Variants in GPC4 observed in about 807,000 individuals in gnomAD.
GPC4 encodes the protein glypican-4.
A neutral mutation model predicts 35.0 loss-of-function variants in GPC4; 10 were observed. The observed-to-expected ratio is 0.29, with a 90% CI of 0.18 to 0.48. The LOEUF (loss-of-function observed/expected upper bound fraction) is 0.48. GPC4 is among the 20% of genes least tolerant of loss of function. The pLI, the probability that GPC4 is intolerant of heterozygous loss-of-function variation, is 0.99. For missense variants in GPC4, 322 were observed against 451.3 expected (o/e 0.71, Z 2.60); for synonymous variants, 167 against 170.2 (o/e 0.98, Z 0.15).
At chrX:133,404,690 A>G (rs778095520) in intron 1 of GPC4, among the ~76,000 whole-genome samples, 2 of 109,675 alleles carry the variant, frequency 1.8e-5, no homozygotes, top group Admixed American at 1.9e-4. Flanking sequence ...GCCCATCTCT[A>G]CTAAAAATAT....
intron 1 of GPC4, among the ~76,000 whole-genome samples, chrX:133,396,751 A>G (rs2068745151): frequency 8.9e-6 from 1 of 112,013 alleles, no homozygotes; most frequent in Admixed American, 9.6e-5. Flanking sequence ...TTAAAGAAAC[A>G]CGAACTTATC....
intron 3 of GPC4, among the ~76,000 whole-genome samples, chrX:133,318,239 T>C (rs1181509849): frequency 1.8e-5 from 2 of 112,378 alleles, no homozygotes; most frequent in Non-Finnish European, 3.8e-5. Flanking sequence ...AATATGTGTC[T>C]ACACTTTGCT....
At chrX:133,315,543 T>C (rs1186806642) in intron 3 of GPC4, among the ~76,000 whole-genome samples, 3 of 111,448 alleles carry the variant, frequency 2.7e-5, no homozygotes, top group Admixed American at 9.5e-5. Flanking sequence ...CATTCAACAT[T>C]CTACTCCCTG....
At chrX:133,401,648 C>T (rs1442118013) in intron 1 of GPC4, among the ~76,000 whole-genome samples, 1 of 112,130 alleles carries the variant, frequency 8.9e-6, no homozygotes, top group Admixed American at 9.5e-5. Flanking sequence ...GACTGCCTCA[C>T]TGCTTAATAA....
intron 3 of GPC4, among the ~76,000 whole-genome samples, chrX:133,316,949 G>A (rs964066093): frequency 5.4e-5 from 6 of 111,975 alleles, no homozygotes; most frequent in African/African-American, 1.3e-4. Context: ...AAAACGGTAC[G>A]TAATGTGCAT....
intron 1 of GPC4, among the ~76,000 whole-genome samples, chrX:133,356,746 T>A (rs2068543230): frequency 9.0e-6 from 1 of 111,491 alleles, no homozygotes; most frequent in South Asian, 3.8e-4. Context: ...TCTTTATAAA[T>A]TACCCAGCCT....
At position 133,415,224 on chromosome X, in the gene GPC4, G is replaced by C. The variant is rs1234019453; in HGVS notation, c.-259C>G. ...GGCGTGGAGGCGGCGCGCGGCCCAG[G>C]GAAGCAGAGGCGCGGGCTGGTGACC... On this transcript the variant is annotated 5_prime_UTR_variant, in exon 1 of 9. Coordinates refer to ENST00000370828, the MANE Select transcript of GPC4 (RefSeq NM_001448.3). 3.0e-6 allele frequency: 1 copy of C among 333,799 alleles called. No individual in the cohort carries two copies. The highest frequency in any genetic ancestry group is 2.7e-5 in the African/African-American group (1 of 36,575). 27.5% of individuals were successfully genotyped at this position (333,799 alleles called of 1,213,427 possible). A position where few individuals can be genotyped will look rare whatever the true frequency, so the allele number is the denominator to read the frequency against.
chrX:133,407,089 TAC>T (rs35930080), intron 1 of GPC4, among the ~76,000 whole-genome samples: 6 of 97,243 alleles, frequency 6.2e-5, no homozygotes, highest in East Asian at 3.3e-4. Flanking sequence ...AAAAAAAAAA[TAC>T]ACACACACAC....
At chrX:133,379,798 G>A (rs1040933992) in intron 1 of GPC4, among the ~76,000 whole-genome samples, 3 of 111,373 alleles carry the variant, frequency 2.7e-5, no homozygotes, top group African/African-American at 9.8e-5. Flanking sequence ...CAATTGGTCA[G>A]CCAAGAATAA....
chrX:133,380,094 T>C (rs2068654047), intron 1 of GPC4, among the ~76,000 whole-genome samples: 1 of 110,607 alleles, frequency 9.0e-6, no homozygotes, highest in African/African-American at 3.3e-5. Flanking sequence ...CCCAGCACTT[T>C]GGGAGGCCAA....
chrX:133,327,084 T>C (rs764865488), intron 2 of GPC4, among the ~76,000 whole-genome samples: 6 of 112,960 alleles, frequency 5.3e-5, no homozygotes, highest in Admixed American at 9.4e-5. Context: ...AATCCAGTGC[T>C]ATTAATATTT....
chrX:133,362,715 T>C (rs1294197285), intron 1 of GPC4, among the ~76,000 whole-genome samples: 1 of 112,304 alleles, frequency 8.9e-6, no homozygotes, highest in Non-Finnish European at 1.9e-5. Context: ...AGAGTTGTCC[T>C]GAAAACAGCC....
chrX:133,316,931 C>T (rs1017960635), intron 3 of GPC4, among the ~76,000 whole-genome samples: 1 of 111,784 alleles, frequency 8.9e-6, no homozygotes, highest in African/African-American at 3.2e-5. Context: ...ATGATCAATT[C>T]CTACTATAAA....
chrX:133,351,037 TAAAG>T (rs2068513887), intron 1 of GPC4, among the ~76,000 whole-genome samples: 5 of 112,689 alleles, frequency 4.4e-5, no homozygotes, highest in Non-Finnish European at 9.4e-5. Context: ...ACCCATTATC[TAAAG>T]CCCTAGCACC....
At chrX:133,407,426 T>C (rs1039481381) in intron 1 of GPC4, among the ~76,000 whole-genome samples, 5 of 111,857 alleles carry the variant, frequency 4.5e-5, no homozygotes, top group Non-Finnish European at 7.5e-5. Flanking sequence ...TATCTCAAAG[T>C]AAATATATTT....
rs1164139847 is a variant in GPC4, at chrX:133,300,715, G to A, written c.*2152C>T. 8.9e-6 allele frequency: 1 copy of A among 112,141 alleles called. No homozygotes were observed. Among genetic ancestry groups the A allele is most frequent in the African/African-American group, 3.2e-5 (1 of 30,904 alleles). 9.2% of individuals were successfully genotyped at this position (112,141 alleles called of 1,213,427 possible). The stretch of plus-strand genomic sequence containing the variant: ...ATTTGGAAAATGTTATTGGTTTAGA[G>A]AATTTGACTGGAAGAAAACAGCTGG... On this transcript the variant is annotated 3_prime_UTR_variant, in exon 9 of 9. Transcript: ENST00000370828.
chrX:133,406,945 A>G (rs1448495299), intron 1 of GPC4, among the ~76,000 whole-genome samples: 1 of 107,931 alleles, frequency 9.3e-6, no homozygotes, highest in Admixed American at 1.0e-4. Flanking sequence ...GTGTGGCAGC[A>G]CACACCTGTA....
intron 1 of GPC4, among the ~76,000 whole-genome samples, chrX:133,354,817 C>T (rs1569349140): frequency 2.7e-5 from 3 of 109,974 alleles, no homozygotes; most frequent in Admixed American, 9.6e-5. Context: ...ATCCACCCGC[C>T]TCAGCCTCCC....
intron 1 of GPC4, among the ~76,000 whole-genome samples, chrX:133,404,662 C>G (rs890398751): frequency 9.2e-6 from 1 of 108,737 alleles, no homozygotes; most frequent in South Asian, 4.1e-4. Flanking sequence ...CGAGACCAGC[C>G]TGGCCAACAT....
Sources: gnomAD v4.1 joint callset for allele counts (sites outside exome capture counted in the v4.1 genomes callset) on GRCh38, gnomAD v4.1.1 for gene constraint, MANE v1.5 for transcripts, NCBI Gene and HGNC (gene_info 2026-07-23, HGNC 2026-07-21) for gene names.